SPATA6L: variants seen among roughly 807,000 people sequenced by gnomAD.
SPATA6L encodes spermatogenesis associated 6 like, also known as spermatogenesis associated 6-like protein.
In SPATA6L, 68 loss-of-function variants were observed where a neutral mutation model predicts 49.2. The observed-to-expected ratio is 1.38, with a 90% CI of 1.14 to 1.69. The LOEUF is 1.69. Ranked by LOEUF, SPATA6L falls within the 40% of genes most tolerant of loss-of-function variation. The probability of loss-of-function intolerance (pLI) is 0.00; values close to 1 mark genes in which losing one functional copy is unlikely to be tolerated. For synonymous variants in SPATA6L, 198 were observed against 165.7 expected, an observed-to-expected ratio of 1.19 and a Z score of -1.50; for missense variants, 668 against 464.3, an observed-to-expected ratio of 1.44 and a Z score of -4.03.
intron 11 of SPATA6L, among the ~76,000 whole-genome samples, chr9:4,603,904 G>A (rs1348152496): frequency 2.0e-5 from 3 of 152,144 alleles, no homozygotes; most frequent in Non-Finnish European, 4.4e-5. Context: ...AAAGCTCCGT[G>A]TTCAAGAAGC....
At chr9:4,639,980 G>C (rs1833683264) in intron 3 of SPATA6L, among the ~76,000 whole-genome samples, 1 of 152,182 alleles carries the variant, frequency 6.6e-6, no homozygotes. Context: ...AATAATCTGA[G>C]GCAAAAGTTC....
downstream of SPATA6L, among the ~76,000 whole-genome samples, chr9:4,596,012 G>A (rs1822225234): frequency 6.6e-6 from 1 of 152,170 alleles, no homozygotes; most frequent in Admixed American, 6.5e-5. Context: ...CTTCACTCCA[G>A]CTCCCATCAC....
intron 1 of SPATA6L, 125 bp downstream of exon 1, chr9:4,666,087 C>A (rs1294418509): frequency 2.3e-6 from 2 of 868,822 alleles, no homozygotes; most frequent in Non-Finnish European, 3.9e-6. Context: ...AAGGTGCGAT[C>A]TGTCCCAGAA....
downstream of SPATA6L, among the ~76,000 whole-genome samples, chr9:4,597,361 C>G (rs953232663): frequency 1.6e-5 from 2 of 122,582 alleles, no homozygotes; most frequent in Non-Finnish European, 3.7e-5. Flanking sequence ...CACACACACA[C>G]ACACACACGG....
chr9:4,638,770 C>A (rs1036346244), intron 3 of SPATA6L, among the ~76,000 whole-genome samples: 6 of 138,674 alleles, frequency 4.3e-5, no homozygotes, highest in African/African-American at 2.0e-4. Flanking sequence ...GAACTCTTTT[C>A]TTTTCTTTTC....
chr9:4,604,049 C>G, intron 11 of SPATA6L, 130 bp downstream of exon 11: 2 of 600,496 alleles, frequency 3.3e-6, no homozygotes, highest in Non-Finnish European at 5.8e-6. Flanking sequence ...ACGCAGTTCT[C>G]AGGTCTCCTC....
At chr9:4,636,803 T>G (rs200480149) in intron 3 of SPATA6L, among the ~76,000 whole-genome samples, 1 of 152,192 alleles carries the variant, frequency 6.6e-6, no homozygotes, top group African/African-American at 2.4e-5. Context: ...ATTCTATATT[T>G]TTCATCATAA....
At chr9:4,650,307 A>AT (rs1836511267) in intron 3 of SPATA6L, among the ~76,000 whole-genome samples, 1 of 152,160 alleles carries the variant, frequency 6.6e-6, no homozygotes, top group African/African-American at 2.4e-5. Flanking sequence ...CCTTGGTCCT[A>AT]ATTCTTTCAA....
chr9:4,598,024 C>G (rs762348803), downstream of SPATA6L, among the ~76,000 whole-genome samples: 8 of 152,208 alleles, frequency 5.3e-5, no homozygotes, highest in Non-Finnish European at 8.8e-5. Flanking sequence ...CCCGCCACCT[C>G]TTTTATGTCA....
chr9:4,630,138 G>A (rs1831227415), intron 4 of SPATA6L, among the ~76,000 whole-genome samples: 1 of 152,040 alleles, frequency 6.6e-6, no homozygotes, highest in Non-Finnish European at 1.5e-5. Flanking sequence ...TAGTGCTCAG[G>A]GTGAGGGTGA....
chr9:4,645,448 T>C (rs545300767), intron 3 of SPATA6L, among the ~76,000 whole-genome samples: 78 of 152,316 alleles, frequency 5.1e-4, no homozygotes, highest in Non-Finnish European at 1.1e-3. Flanking sequence ...GCCTTCTTGC[T>C]GGTGGGGACT....
At chr9:4,637,172 C>T (rs892727688) in intron 3 of SPATA6L, among the ~76,000 whole-genome samples, 17 of 152,156 alleles carry the variant, frequency 1.1e-4, no homozygotes, top group African/African-American at 3.9e-4. Flanking sequence ...CCTGTCATCC[C>T]TTACCCTTCT....
At chr9:4,607,170 G>C (rs1208633595) in intron 9 of SPATA6L, among the ~76,000 whole-genome samples, 1 of 152,086 alleles carries the variant, frequency 6.6e-6, no homozygotes, top group South Asian at 2.1e-4. Flanking sequence ...ACGTCTGATT[G>C]GTATACCTGA....
chr9:4,655,365 G>T (rs1022760026), intron 3 of SPATA6L, among the ~76,000 whole-genome samples: 1 of 152,190 alleles, frequency 6.6e-6, no homozygotes, highest in Non-Finnish European at 1.5e-5. Context: ...AAGATTAGTG[G>T]TTACCTATAG....
At chr9:4,605,959 G>T (rs1054522954) in intron 9 of SPATA6L, among the ~76,000 whole-genome samples, 1 of 152,166 alleles carries the variant, frequency 6.6e-6, no homozygotes, top group Non-Finnish European at 1.5e-5. Context: ...TGCGCGCACC[G>T]TGCGCGAGCC....
rs1179765717 is a variant in SPATA6L, at chr9:4,604,396, A to G, written c.1090-127T>C. ...TTTATGCCGTTATATGGGGTTCACTATATATGTGTGTATATAGAATCTTTC... is the reference window on the plus strand; with the variant it reads ...TTTATGCCGTTATATGGGGTTCACTGTATATGTGTGTATATAGAATCTTTC... On this transcript the variant is annotated intron_variant, in intron 10 of 11. Coordinates refer to ENST00000682582, the MANE Select transcript of SPATA6L (RefSeq NM_001353486.2). The G allele has an allele frequency of 8.8e-6, 5 of 570,304 alleles. No individual in the cohort carries two copies. The East Asian group carries it at 9.2e-5, about 10-fold the overall frequency. 35.3% of individuals were successfully genotyped at this position (570,304 alleles called of 1,614,324 possible).
chr9:4,600,395 T>C lies in SPATA6L; in HGVS notation c.*416A>G, dbSNP rs1024906317. The C allele has an allele frequency of 1.3e-5, 2 of 152,566 alleles. No individual in the cohort carries two copies. The highest frequency in any genetic ancestry group is 1.3e-4 in the Admixed American group (2 of 15,266). The allele number at this position is 152,566 out of a possible 1,614,324, so 9.5% of individuals were successfully genotyped here. A position where few individuals can be genotyped will look rare whatever the true frequency, so the allele number is the denominator to read the frequency against. ...AAGAGAAAGTCAGGTTGATAGTCTT[T>C]CCTGGAGGATTTATCAGGTTATTCC... On this transcript the variant is annotated 3_prime_UTR_variant, in exon 12 of 12. Coordinates refer to ENST00000682582, the MANE Select transcript of SPATA6L (RefSeq NM_001353486.2).
chr9:4,604,260 T>A lies in SPATA6L; in HGVS notation c.1099A>T (p.Thr367Ser). 6.2e-7 allele frequency: 1 copy of A among 1,605,074 alleles called. No individual in the cohort carries two copies. The highest frequency in any genetic ancestry group is 8.5e-7 in the Non-Finnish European group (1 of 1,172,622). The change falls in exon 11 of 12, where the codon ACC becomes TCC. Residue 367 changes from threonine (T) to serine (S), a missense_variant. Transcript: ENST00000682582. The part of the protein sequence containing the change: ...AQLHQNKEDS[T>S]SEVNYIIERP... ...TCAATGATATAATTTACTTCAGAGG[T>A]AGAATCTTCCTACAATAAAAACAAA...
chr9:4,611,878 T>G (rs1162506198), intron 9 of SPATA6L, among the ~76,000 whole-genome samples: 1 of 152,116 alleles, frequency 6.6e-6, no homozygotes, highest in Non-Finnish European at 1.5e-5. Context: ...CACGGAGAGA[T>G]TATCACCCAG....
Sources: allele counts gnomAD v4.1 joint callset (sites outside exome capture counted in the v4.1 genomes callset), GRCh38; gene constraint gnomAD v4.1.1; transcripts MANE v1.5; gene names NCBI Gene and HGNC (gene_info 2026-07-23, HGNC 2026-07-21).